OR2C1: variants seen among roughly 807,000 people sequenced by gnomAD.
OR2C1 encodes olfactory receptor family 2 subfamily C member 1, also known as olfactory receptor 2C1.
For synonymous variants in OR2C1, 209 were observed against 167.3 expected, an observed-to-expected ratio of 1.25 and a Z score of -1.92; for missense variants, 468 against 388.3, an observed-to-expected ratio of 1.21 and a Z score of -1.73.
chr16:3,357,891 G>C (rs1290978639), downstream of OR2C1, among the ~76,000 whole-genome samples: 1 of 152,124 alleles, frequency 6.6e-6, no homozygotes, highest in Non-Finnish European at 1.5e-5. Flanking sequence ...TGAGGCAGGA[G>C]AATCGCTTGA....
chr16:3,357,863 C>T (rs1028969676), downstream of OR2C1, among the ~76,000 whole-genome samples: 1 of 151,990 alleles, frequency 6.6e-6, no homozygotes, highest in Non-Finnish European at 1.5e-5. Flanking sequence ...TGCCTGTAAT[C>T]CCAGCTACTC....
At chr16:3,327,450 G>T in the OR2C1 span, among the ~76,000 whole-genome samples, 13 of 152,198 alleles carry the variant, frequency 8.5e-5, no homozygotes, top group Non-Finnish European at 7.4e-5. Flanking sequence ...CACAGGAGCT[G>T]CCTTTCCCTT....
chr16:3,344,764 G>A, the OR2C1 span, among the ~76,000 whole-genome samples: 1,052 of 152,094 alleles, frequency 6.9e-3, 6 homozygotes, highest in Non-Finnish European at 0.01. Context: ...TAAGTGTTGG[G>A]TAGAACGTGG....
the OR2C1 span, among the ~76,000 whole-genome samples, chr16:3,336,650 C>T: frequency 6.8e-5 from 10 of 146,534 alleles, no homozygotes; most frequent in Non-Finnish European, 1.4e-4. Context: ...TGCGAGCTAC[C>T]ACACCCGGCC....
At chr16:3,323,699 G>A in the OR2C1 span, 1 of 683,914 alleles carries the variant, frequency 1.5e-6, no homozygotes, top group Non-Finnish European at 2.6e-6. Flanking sequence ...CAAGGCACGA[G>A]GTTTCATTTC....
the OR2C1 span, among the ~76,000 whole-genome samples, chr16:3,325,465 A>C: frequency 0.02 from 149 of 7,342 alleles, 2 homozygotes; most frequent in African/African-American, 0.064. Context: ...CTAAAAATAT[A>C]TATATATATA....
chr16:3,336,618 C>T, the OR2C1 span, among the ~76,000 whole-genome samples: 1 of 151,672 alleles, frequency 6.6e-6, no homozygotes, highest in Non-Finnish European at 1.5e-5. Flanking sequence ...GCCTCGGCCT[C>T]CCAAAGTGCT....
At chr16:3,335,477 C>A in the OR2C1 span, among the ~76,000 whole-genome samples, 1 of 141,188 alleles carries the variant, frequency 7.1e-6, no homozygotes, top group Non-Finnish European at 1.5e-5. Flanking sequence ...ATTTCTTTTT[C>A]ATGTTTCAGA....
rs528381464 is a variant in OR2C1, at chr16:3,357,093, C to T, written c.*214C>T. 4.2e-5 allele frequency: 22 copies of T among 521,002 alleles called. No individual in the cohort carries two copies. Among genetic ancestry groups the T allele is most frequent in the Middle Eastern group, 5.2e-4 (1 of 1,906 alleles). 32.3% of individuals were successfully genotyped at this position (521,002 alleles called of 1,614,324 possible). A position where few individuals can be genotyped will look rare whatever the true frequency, so the allele number is the denominator to read the frequency against. On this transcript the variant is annotated 3_prime_UTR_variant, in exon 1 of 1. Coordinates refer to ENST00000304936, the MANE Select transcript of OR2C1 (RefSeq NM_012368.3). ...TACCAAAAATCCTACTGTGGACTAC[C>T]GATAGCAGGGGAGACATGTTGTTGA...
chr16:3,344,678 G>C, the OR2C1 span, among the ~76,000 whole-genome samples: 1 of 152,082 alleles, frequency 6.6e-6, no homozygotes, highest in African/African-American at 2.4e-5. Context: ...AGTGAGCCGA[G>C]ATCGGCGCCA....
chr16:3,348,216 C>T, the OR2C1 span, among the ~76,000 whole-genome samples: 19 of 152,100 alleles, frequency 1.2e-4, no homozygotes, highest in African/African-American at 4.3e-4. Flanking sequence ...ATGAGAATGG[C>T]GAGTGGGAAT....
the OR2C1 span, among the ~76,000 whole-genome samples, chr16:3,337,861 T>G: frequency 1.3e-5 from 2 of 152,240 alleles, no homozygotes; most frequent in Non-Finnish European, 2.9e-5. Context: ...TGGTCTTCTC[T>G]GTCTGGCTTG....
chr16:3,336,230 G>A, the OR2C1 span, among the ~76,000 whole-genome samples: 1 of 152,106 alleles, frequency 6.6e-6, no homozygotes, highest in African/African-American at 2.4e-5. Flanking sequence ...TTATTGATTT[G>A]TATCCCTGGG....
chr16:3,347,246 C>CAAAAAAAA, the OR2C1 span, among the ~76,000 whole-genome samples: 1 of 64,486 alleles, frequency 1.6e-5, no homozygotes, highest in Non-Finnish European at 2.7e-5. Context: ...GACTCTGTCT[C>CAAAAAAAA]AAAAAAAAAA....
chr16:3,335,782 A>G, the OR2C1 span, among the ~76,000 whole-genome samples: 1 of 151,992 alleles, frequency 6.6e-6, no homozygotes, highest in Admixed American at 6.6e-5. Flanking sequence ...TACCAACTTT[A>G]CTGAACTTGC....
At chr16:3,341,586 A>C in the OR2C1 span, among the ~76,000 whole-genome samples, 2 of 152,192 alleles carry the variant, frequency 1.3e-5, no homozygotes, top group African/African-American at 4.8e-5. Flanking sequence ...CCCCCTCCTA[A>C]GATTCAATCA....
chr16:3,325,456 T>TA, the OR2C1 span, among the ~76,000 whole-genome samples: 1 of 68,776 alleles, frequency 1.5e-5, no homozygotes, highest in East Asian at 3.0e-4. Context: ...GCATTATGTC[T>TA]AAAAATATAT....
chr16:3,333,331 A>G, the OR2C1 span, among the ~76,000 whole-genome samples: 1 of 136,502 alleles, frequency 7.3e-6, no homozygotes, highest in Non-Finnish European at 1.6e-5. Flanking sequence ...TTCTTTTTTT[A>G]TTTTATTTTA....
the OR2C1 span, among the ~76,000 whole-genome samples, chr16:3,327,477 A>G: frequency 6.6e-6 from 1 of 151,992 alleles, no homozygotes; most frequent in Non-Finnish European, 1.5e-5. Context: ...AGGGTGACCA[A>G]AAAACTTTAC....
Sources: allele counts gnomAD v4.1 joint callset (sites outside exome capture counted in the v4.1 genomes callset), GRCh38; gene constraint gnomAD v4.1.1; transcripts MANE v1.5; gene names NCBI Gene and HGNC (gene_info 2026-07-23, HGNC 2026-07-21).